HS6ST3: variants seen among roughly 807,000 people sequenced by gnomAD.
The protein encoded by HS6ST3 is heparan-sulfate 6-O-sulfotransferase 3.
HS6ST3 carries 12 observed loss-of-function variants against 36.7 expected under a neutral mutation model. That is an observed-to-expected ratio of 0.33 (90% CI 0.21 to 0.53). The LOEUF (loss-of-function observed/expected upper bound fraction) is 0.53. HS6ST3 is among the 20% of genes least tolerant of loss of function. The pLI, the probability that HS6ST3 is intolerant of heterozygous loss-of-function variation, is 0.95. For synonymous variants in HS6ST3, 240 were observed against 257.5 expected, an observed-to-expected ratio of 0.93 and a Z score of 0.65; for missense variants, 584 against 640.9, an observed-to-expected ratio of 0.91 and a Z score of 0.96.
At chr13:96,130,802 T>C (rs906954907) in intron 1 of HS6ST3, among the ~76,000 whole-genome samples, 3 of 152,184 alleles carry the variant, frequency 2.0e-5, no homozygotes, top group African/African-American at 7.2e-5. Context: ...TCTGAGCTCT[T>C]TATCCTATCC....
chr13:96,608,260 T>TGTGG (rs1210518829), intron 1 of HS6ST3, among the ~76,000 whole-genome samples: 3 of 152,242 alleles, frequency 2.0e-5, no homozygotes, highest in African/African-American at 7.2e-5. Context: ...AAATAGTAGA[T>TGTGG]GTGGGAATAT....
intron 1 of HS6ST3, among the ~76,000 whole-genome samples, chr13:96,788,584 A>G (rs1877710473): frequency 6.6e-6 from 1 of 151,882 alleles, no homozygotes; most frequent in African/African-American, 2.4e-5. Flanking sequence ...TTTCAATTCT[A>G]CATCCCTGCT....
rs1009743868 is a variant in HS6ST3 at position 96,695,241 on chromosome 13, T to C, written c.708-137249T>C. Among the ~76,000 whole-genome samples, 83 of 152,182 alleles carry C rather than the reference T, an allele frequency of 5.5e-4. 4 individuals are homozygous for C. The highest frequency in any genetic ancestry group is 5.2e-3 in the Admixed American group (79 of 15,266). On this transcript the variant is annotated intron_variant, in intron 1 of 1. Coordinates refer to ENST00000376705, the MANE Select transcript of HS6ST3 (RefSeq NM_153456.4). ...ACCTCTGATTTCTTCTCTAAATCAA[T>C]CATCCCACTGAACATAAGACATCTT...
intron 1 of HS6ST3, among the ~76,000 whole-genome samples, chr13:96,144,292 A>C (rs1036425487): frequency 3.3e-5 from 5 of 152,222 alleles, no homozygotes; most frequent in African/African-American, 1.2e-4. Context: ...GATTATATTA[A>C]GATTACTAAG....
chr13:96,502,022 G>A (rs1174949990), intron 1 of HS6ST3, among the ~76,000 whole-genome samples: 2 of 152,156 alleles, frequency 1.3e-5, no homozygotes, highest in East Asian at 1.9e-4. Context: ...GCCATAAATT[G>A]TATCTTTGTT....
At chr13:96,685,283 A>G (rs1416031391) in intron 1 of HS6ST3, among the ~76,000 whole-genome samples, 1 of 152,088 alleles carries the variant, frequency 6.6e-6, no homozygotes, top group Non-Finnish European at 1.5e-5. Flanking sequence ...CAGATAGCTT[A>G]TTCATCTCAT....
intron 1 of HS6ST3, among the ~76,000 whole-genome samples, chr13:96,484,822 T>C (rs1411775927): frequency 2.6e-5 from 4 of 152,224 alleles, no homozygotes; most frequent in Non-Finnish European, 5.9e-5. Context: ...AGTGCAGATA[T>C]CTCTACCATA....
intron 1 of HS6ST3, among the ~76,000 whole-genome samples, chr13:96,699,909 A>G (rs1875239871): frequency 6.6e-6 from 1 of 152,228 alleles, no homozygotes; most frequent in Non-Finnish European, 1.5e-5. Context: ...AATACCACAT[A>G]TTGCTGAATC....
intron 1 of HS6ST3, among the ~76,000 whole-genome samples, chr13:96,820,350 G>A (rs1270461323): frequency 6.6e-6 from 1 of 152,182 alleles, no homozygotes; most frequent in African/African-American, 2.4e-5. Context: ...GACAGTTTAT[G>A]AGGCTCTAAT....
chr13:96,536,356 A>G (rs1437557851), intron 1 of HS6ST3, among the ~76,000 whole-genome samples: 1 of 152,202 alleles, frequency 6.6e-6, no homozygotes, highest in African/African-American at 2.4e-5. Flanking sequence ...TACAGCAATC[A>G]CTTAATAGCC....
chr13:96,329,277 G>A (rs2055051436), intron 1 of HS6ST3, among the ~76,000 whole-genome samples: 1 of 145,638 alleles, frequency 6.9e-6, no homozygotes, highest in Non-Finnish European at 1.5e-5. Flanking sequence ...TGATGTCAGG[G>A]TGTCAATTTT....
chr13:96,090,719 C>T lies in HS6ST3; in HGVS notation c.-144C>T. 1 of 463,034 alleles carries T rather than the reference C, an allele frequency of 2.2e-6. No homozygotes were observed. Among genetic ancestry groups the T allele is most frequent in the Non-Finnish European group, 3.2e-6 (1 of 315,868 alleles). The allele number at this position is 463,034 out of a possible 1,614,324, so 28.7% of individuals were successfully genotyped here. A position where few individuals can be genotyped will look rare whatever the true frequency, so the allele number is the denominator to read the frequency against. ...CCCCGAGGGCCGCGGGGCCGCCAGC[C>T]AGCCACACGCCTCGGCGTCAGGGGC... On this transcript the variant is annotated 5_prime_UTR_variant, in exon 1 of 2. Coordinates refer to ENST00000376705, the MANE Select transcript of HS6ST3 (RefSeq NM_153456.4).
intron 1 of HS6ST3, among the ~76,000 whole-genome samples, chr13:96,553,170 C>G (rs1300815235): frequency 6.6e-6 from 1 of 152,194 alleles, no homozygotes; most frequent in African/African-American, 2.4e-5. Flanking sequence ...TATCTTTTCT[C>G]AGTTCTACAT....
At chr13:96,515,556 T>C (rs909832806) in intron 1 of HS6ST3, among the ~76,000 whole-genome samples, 2 of 152,238 alleles carry the variant, frequency 1.3e-5, no homozygotes, top group Non-Finnish European at 2.9e-5. Flanking sequence ...TCTTACATGC[T>C]ACCTCCTCTG....
At chr13:96,204,849 A>G (rs1392540824) in intron 1 of HS6ST3, among the ~76,000 whole-genome samples, 2 of 152,218 alleles carry the variant, frequency 1.3e-5, no homozygotes, top group African/African-American at 4.8e-5. Flanking sequence ...AGCAGAGTTA[A>G]GAGAGAAATT....
At chr13:96,523,435 C>T (rs954128539) in intron 1 of HS6ST3, among the ~76,000 whole-genome samples, 3 of 152,178 alleles carry the variant, frequency 2.0e-5, no homozygotes, top group Non-Finnish European at 2.9e-5. Context: ...GGGAAGTTCT[C>T]CTGGGTAATA....
At chr13:96,811,096 G>T (rs1878308342) in intron 1 of HS6ST3, among the ~76,000 whole-genome samples, 1 of 152,104 alleles carries the variant, frequency 6.6e-6, no homozygotes, top group South Asian at 2.1e-4. Context: ...CTAGACAGGT[G>T]AATCTTTTTC....
intron 1 of HS6ST3, among the ~76,000 whole-genome samples, chr13:96,533,318 CA>C: frequency 6.6e-6 from 1 of 152,266 alleles, no homozygotes; most frequent in South Asian, 2.1e-4. Context: ...TACTTAAAAA[CA>C]AGCTTCTCAT....
chr13:96,590,217 T>C (rs1442031995), intron 1 of HS6ST3, among the ~76,000 whole-genome samples: 2 of 152,084 alleles, frequency 1.3e-5, no homozygotes, highest in Non-Finnish European at 2.9e-5. Context: ...GTGGGAAAGG[T>C]GGATAGTATA....
Sources: allele counts gnomAD v4.1 joint callset (sites outside exome capture counted in the v4.1 genomes callset), GRCh38; gene constraint gnomAD v4.1.1; transcripts MANE v1.5; gene names NCBI Gene and HGNC (gene_info 2026-07-23, HGNC 2026-07-21).